The following GPR158 variants were observed in gnomAD, a reference collection of about 807,000 sequenced individuals.
The protein encoded by GPR158 is metabotropic glycine receptor.
Under a neutral mutation model 78.2 loss-of-function variants are expected in GPR158, and 30 were observed. The observed-to-expected ratio is 0.38, with a 90% CI of 0.29 to 0.52. GPR158 has a LOEUF of 0.52. Ranked by LOEUF, GPR158 falls within the 20% of genes least tolerant of loss-of-function variation. The pLI is 0.83. For missense variants in GPR158, 1,463 were observed against 1,523.5 expected (o/e 0.96, Z 0.66); for synonymous variants, 581 against 591.1 (o/e 0.98, Z 0.25).
rs374545502 is a variant in GPR158 at position 25,572,704 on chromosome 10, G to A, written c.1570G>A (p.Gly524Arg). Residue 524 changes from glycine to arginine, a missense_variant, in exon 7 of 11, where the codon GGA becomes AGA. Gly to Arg is a moderately radical substitution (Grantham distance 125). Transcript: ENST00000376351. ...TAQRIPYMTG[G>R]RVMRMLAVIL... ...TCAACGAATTCCATATATGACTGGCGGACGGGTCATGAGGATGCTGGCAGT... is the reference window on the plus strand; with the variant it reads ...TCAACGAATTCCATATATGACTGGCAGACGGGTCATGAGGATGCTGGCAGT... 59 of 1,613,866 alleles carry A rather than the reference G, an allele frequency of 3.7e-5. No homozygotes were observed. The highest frequency in any genetic ancestry group is 4.3e-5 in the Non-Finnish European group (51 of 1,179,894).
intron 2 of GPR158, among the ~76,000 whole-genome samples, chr10:25,275,424 A>T (rs1854171026): frequency 6.6e-6 from 1 of 152,268 alleles, no homozygotes; most frequent in East Asian, 1.9e-4. Flanking sequence ...GAACTCTTTA[A>T]ACTCTTGTTC....
At position 25,175,200 on chromosome 10, in the gene GPR158, G is replaced by A. The variant is rs1244689987; in HGVS notation, c.-221G>A. ...CCCCAGCCGGCCCCTCGCGCAGCGG[G>A]CACGGCCAGCGCTGCCACAGGTGAC... On this transcript the variant is annotated 5_prime_UTR_variant, in exon 1 of 11. Coordinates refer to ENST00000376351, the MANE Select transcript of GPR158 (RefSeq NM_020752.3). This position sits in a 1 kb window ranked among gnomAD's most constrained non-coding sequence, Gnocchi z 6.4. 20 of 481,334 alleles carry A rather than the reference G, an allele frequency of 4.2e-5. No homozygotes were observed. Among genetic ancestry groups the A allele is most frequent in the Non-Finnish European group, 7.3e-5 (20 of 274,058 alleles). 29.8% of individuals were successfully genotyped at this position (481,334 alleles called of 1,614,324 possible).
chr10:25,388,375 G>T (rs1834249968), intron 2 of GPR158, among the ~76,000 whole-genome samples: 1 of 152,170 alleles, frequency 6.6e-6, no homozygotes. Context: ...CCCCACCCTT[G>T]CATGGCCAGG....
chr10:25,186,452 T>C (rs1368948576), intron 1 of GPR158, among the ~76,000 whole-genome samples: 1 of 151,778 alleles, frequency 6.6e-6, no homozygotes, highest in East Asian at 1.9e-4. Context: ...TTTGAAAAGA[T>C]CAACAAAATT....
At chr10:25,457,067 G>A (rs543699179) in intron 4 of GPR158, among the ~76,000 whole-genome samples, 1 of 151,312 alleles carries the variant, frequency 6.6e-6, no homozygotes, top group Non-Finnish European at 1.5e-5. Context: ...CAGCTTCCCG[G>A]GTTCAAGCAA....
chr10:25,517,242 A>T (rs1456784834), intron 5 of GPR158, among the ~76,000 whole-genome samples: 12 of 150,254 alleles, frequency 8.0e-5, no homozygotes, highest in Admixed American at 2.0e-4. Flanking sequence ...ACTTTGCTGA[A>T]GTTGCTTATC....
chr10:25,500,818 A>T (rs1835939452), intron 5 of GPR158, among the ~76,000 whole-genome samples: 1 of 152,210 alleles, frequency 6.6e-6, no homozygotes, highest in African/African-American at 2.4e-5. Flanking sequence ...TATAAATTAA[A>T]CTGCTGCAAG....
At chr10:25,522,173 T>C (rs980403274) in intron 5 of GPR158, among the ~76,000 whole-genome samples, 15 of 152,202 alleles carry the variant, frequency 9.9e-5, no homozygotes, top group Non-Finnish European at 2.2e-4. Context: ...AAGTTAAGAG[T>C]ATTGACATAG....
intron 1 of GPR158, among the ~76,000 whole-genome samples, chr10:25,189,222 G>A (rs1189378891): frequency 2.6e-5 from 4 of 152,214 alleles, no homozygotes; most frequent in African/African-American, 7.2e-5. Context: ...GGAAGATAGT[G>A]TGGCAATTCC....
intron 7 of GPR158, 35 bp downstream of exon 7, chr10:25,572,922 C>T: frequency 8.4e-7 from 1 of 1,192,700 alleles, no homozygotes; most frequent in Non-Finnish European, 1.3e-6. Flanking sequence ...ATGGTCTTAC[C>T]ATTTTTCAGT....
rs146696326 is a variant in GPR158 at position 25,277,758 on chromosome 10, C to G, written c.1008+56601C>G. On this transcript the variant is annotated intron_variant, in intron 2 of 10. Transcript: ENST00000376351. ...TAGCACTCTTCAGAGGAAAATAGCC[C>G]AGAAAAAACTTCACTTGGCTGGCAA... is the stretch of plus-strand genomic sequence containing the variant. Among the ~76,000 whole-genome samples the G allele has an allele frequency of 4.5e-4, 68 of 152,174 alleles. 1 individual carries two copies. In the East Asian group the frequency reaches 0.011, roughly 25 times the overall value.
chr10:25,338,496 C>G (rs144682664), intron 2 of GPR158, among the ~76,000 whole-genome samples: 2 of 125,902 alleles, frequency 1.6e-5, no homozygotes, highest in African/African-American at 3.0e-5. Context: ...GTATAATATA[C>G]GTATATATAT....
At chr10:25,289,719 C>T (rs1026633357) in intron 2 of GPR158, among the ~76,000 whole-genome samples, 2 of 152,062 alleles carry the variant, frequency 1.3e-5, no homozygotes, top group Non-Finnish European at 1.5e-5. Flanking sequence ...CGCGCCCAGC[C>T]GAACATTTAA....
chr10:25,315,244 C>G (rs974474579), intron 2 of GPR158, among the ~76,000 whole-genome samples: 2 of 152,142 alleles, frequency 1.3e-5, no homozygotes, highest in Middle Eastern at 3.4e-3. Flanking sequence ...ATGCTTTTAT[C>G]TCTTCTTGCA....
chr10:25,355,286 C>T (rs181104594), intron 2 of GPR158, among the ~76,000 whole-genome samples: 9 of 152,068 alleles, frequency 5.9e-5, no homozygotes, highest in African/African-American at 2.2e-4. Context: ...CTTTCATCTG[C>T]ATGAACTATT....
rs527921409 is a variant in GPR158, at chr10:25,371,215, T to C, written c.1009-24696T>C. Among the ~76,000 whole-genome samples the C allele has an allele frequency of 4.5e-3, 683 of 151,180 alleles. 7 individuals carry two copies. Among genetic ancestry groups the C allele is most frequent in the African/African-American group, 0.016 (647 of 41,146 alleles). The stretch of plus-strand genomic sequence containing the variant: ...TGTGAATTTGATCCTGTCATTATGA[T>C]GTTAGCTGGTTATTTTGCTCATTAG... On this transcript the variant is annotated intron_variant, in intron 2 of 10. Coordinates refer to ENST00000376351, the MANE Select transcript of GPR158 (RefSeq NM_020752.3).
chr10:25,305,373 G>T (rs1426686643), intron 2 of GPR158, among the ~76,000 whole-genome samples: 1 of 152,208 alleles, frequency 6.6e-6, no homozygotes, highest in Non-Finnish European at 1.5e-5. Flanking sequence ...TAGAGATACT[G>T]ACAAGAGTAA....
intron 5 of GPR158, among the ~76,000 whole-genome samples, chr10:25,473,874 A>G (rs1835545128): frequency 6.6e-6 from 1 of 152,134 alleles, no homozygotes; most frequent in African/African-American, 2.4e-5. Context: ...TGATAGACAT[A>G]ATAATGGTCT....
At chr10:25,497,155 T>C (rs1320423466) in intron 5 of GPR158, among the ~76,000 whole-genome samples, 1 of 152,148 alleles carries the variant, frequency 6.6e-6, no homozygotes, top group Non-Finnish European at 1.5e-5. Flanking sequence ...TTGAGGTCCT[T>C]GAATAGCAGG....
Sources: allele counts gnomAD v4.1 joint callset (sites outside exome capture counted in the v4.1 genomes callset), GRCh38; gene constraint gnomAD v4.1.1; non-coding constraint Gnocchi (gnomAD v3.1); transcripts MANE v1.5; gene names NCBI Gene and HGNC (gene_info 2026-07-23, HGNC 2026-07-21).